GPR39: variants seen among roughly 807,000 people sequenced by gnomAD.
The protein encoded by GPR39 is zinc sensing receptor.
In GPR39, 23 loss-of-function variants were observed where a neutral mutation model predicts 18.4. The ratio of observed to expected loss-of-function variants is 1.25; its 90% CI spans 0.90 to 1.77. The LOEUF (loss-of-function observed/expected upper bound fraction) is 1.77, where lower values mean the gene tolerates loss of function less well. GPR39 is among the 40% of genes most tolerant of loss of function. The pLI, the probability that GPR39 is intolerant of heterozygous loss-of-function variation, is 0.00. For missense variants in GPR39, 647 were observed against 602.4 expected, an observed-to-expected ratio of 1.07 and a Z score of -0.78; for synonymous variants, 280 against 257.9, an observed-to-expected ratio of 1.09 and a Z score of -0.82.
At chr2:132,623,900 A>G (rs1251110305) in intron 1 of GPR39, among the ~76,000 whole-genome samples, 2 of 152,154 alleles carry the variant, frequency 1.3e-5, no homozygotes, top group African/African-American at 4.8e-5. Context: ...CTGATGCTCC[A>G]GGGTAGAGGA....
chr2:132,610,139 A>G (rs1365436788), intron 1 of GPR39, among the ~76,000 whole-genome samples: 1 of 152,160 alleles, frequency 6.6e-6, no homozygotes, highest in Non-Finnish European at 1.5e-5. Flanking sequence ...AGTTTGCTGA[A>G]TGAATAGGAA....
At chr2:132,442,447 G>T (rs1680456988) in intron 1 of GPR39, among the ~76,000 whole-genome samples, 1 of 152,114 alleles carries the variant, frequency 6.6e-6, no homozygotes, top group Non-Finnish European at 1.5e-5. Flanking sequence ...TGCTCTAAAT[G>T]TCCGCTCCCT....
chr2:132,472,479 A>G (rs1364584147), intron 1 of GPR39, among the ~76,000 whole-genome samples: 2 of 151,880 alleles, frequency 1.3e-5, no homozygotes, highest in Non-Finnish European at 2.9e-5. Context: ...CTGGGAGGCC[A>G]CTCTTGAGTG....
chr2:132,595,785 G>A (rs745730078), intron 1 of GPR39, among the ~76,000 whole-genome samples: 12 of 152,254 alleles, frequency 7.9e-5, no homozygotes, highest in South Asian at 4.1e-4. Context: ...GAGAACCAGC[G>A]CAGCAGCTCC....
chr2:132,584,231 G>T (rs1394943926), intron 1 of GPR39, among the ~76,000 whole-genome samples: 1 of 152,104 alleles, frequency 6.6e-6, no homozygotes, highest in East Asian at 1.9e-4. Context: ...GAGGCTCTGG[G>T]GGCAGAGTGC....
intron 1 of GPR39, among the ~76,000 whole-genome samples, chr2:132,440,425 G>C (rs1680415289): frequency 6.6e-6 from 1 of 152,128 alleles, no homozygotes. Flanking sequence ...TTCCCTTTTT[G>C]CTCCTTCCTA....
At chr2:132,629,469 T>A (rs1322572572) in intron 1 of GPR39, among the ~76,000 whole-genome samples, 2 of 152,246 alleles carry the variant, frequency 1.3e-5, no homozygotes, top group African/African-American at 2.4e-5. Flanking sequence ...GTAAGTGTAT[T>A]GTCTAATTTG....
intron 1 of GPR39, among the ~76,000 whole-genome samples, chr2:132,518,884 C>T (rs1020837654): frequency 4.6e-5 from 7 of 152,144 alleles, no homozygotes; most frequent in Admixed American, 2.6e-4. Context: ...ATTTATGGTA[C>T]ATCTCCAGTA....
At chr2:132,445,179 A>G (rs1680512284) in intron 1 of GPR39, among the ~76,000 whole-genome samples, 1 of 151,994 alleles carries the variant, frequency 6.6e-6, no homozygotes, top group South Asian at 2.1e-4. Context: ...AAACTACTGC[A>G]TTGTTCCAAT....
At chr2:132,562,056 A>G (rs1359235033) in intron 1 of GPR39, among the ~76,000 whole-genome samples, 2 of 152,208 alleles carry the variant, frequency 1.3e-5, no homozygotes, top group Non-Finnish European at 2.9e-5. Context: ...AAGTTAACCC[A>G]GAATATTAAC....
Position 132,646,342 on chromosome 2 carries a change from T to TCAGCCCAAATCCAAA in GPR39, c.*738_*752dup. On this transcript the variant is annotated 3_prime_UTR_variant, in exon 2 of 2. Transcript: ENST00000329321. ...ACCGGCAAAAGAATAGCTGTCCCTCTCAGCCCAAATCCAAACGGACAGCTC... is the reference window on the plus strand; with the variant it reads ...ACCGGCAAAAGAATAGCTGTCCCTCTCAGCCCAAATCCAAACAGCCCAAATCCAAACGGACAGCTC... 8.6e-7 allele frequency: 1 copy of TCAGCCCAAATCCAAA among 1,168,294 alleles called. No homozygotes were observed. 72.4% of individuals were successfully genotyped at this position (1,168,294 alleles called of 1,614,324 possible).
intron 1 of GPR39, among the ~76,000 whole-genome samples, chr2:132,512,328 G>C (rs902928037): frequency 1.3e-5 from 2 of 152,160 alleles, no homozygotes; most frequent in Non-Finnish European, 2.9e-5. Context: ...CATGGGGAAA[G>C]TTTAAGGGAT....
At chr2:132,596,798 A>G (rs1286013774) in intron 1 of GPR39, among the ~76,000 whole-genome samples, 1 of 152,244 alleles carries the variant, frequency 6.6e-6, no homozygotes, top group Non-Finnish European at 1.5e-5. Context: ...AAATTAAATC[A>G]GGATCTCTGG....
chr2:132,573,568 A>T (rs1240667930), intron 1 of GPR39, among the ~76,000 whole-genome samples: 1 of 152,178 alleles, frequency 6.6e-6, no homozygotes, highest in African/African-American at 2.4e-5. Context: ...TGAGACAGAC[A>T]TGGGAGCCAA....
At chr2:132,473,828 A>G (rs1395687451) in intron 1 of GPR39, among the ~76,000 whole-genome samples, 2 of 152,230 alleles carry the variant, frequency 1.3e-5, no homozygotes, top group Non-Finnish European at 2.9e-5. Context: ...TGTTACAGGA[A>G]TGCAGTATTG....
At chr2:132,425,552 A>G (rs2315386) in intron 1 of GPR39, among the ~76,000 whole-genome samples, 33,229 of 152,140 alleles carry the variant, frequency 0.22, 3,821 homozygotes, top group African/African-American at 0.27. Flanking sequence ...TGCCTGGTCC[A>G]TAAGGTATAC....
chr2:132,478,024 A>G (rs1681160747), intron 1 of GPR39, among the ~76,000 whole-genome samples: 1 of 152,216 alleles, frequency 6.6e-6, no homozygotes, highest in African/African-American at 2.4e-5. Context: ...TCCCCTTTAC[A>G]TGAATCATAT....
At chr2:132,502,522 T>C (rs1301736710) in intron 1 of GPR39, among the ~76,000 whole-genome samples, 1 of 152,216 alleles carries the variant, frequency 6.6e-6, no homozygotes, top group Non-Finnish European at 1.5e-5. Flanking sequence ...GTCTTGACTT[T>C]AGATAACCTG....
At chr2:132,542,366 C>T (rs1294493053) in intron 1 of GPR39, among the ~76,000 whole-genome samples, 1 of 152,220 alleles carries the variant, frequency 6.6e-6, no homozygotes, top group African/African-American at 2.4e-5. Context: ...TTCTGATCCC[C>T]ACTCTACCAG....
Sources: allele counts gnomAD v4.1 joint callset (sites outside exome capture counted in the v4.1 genomes callset), GRCh38; gene constraint gnomAD v4.1.1; transcripts MANE v1.5; gene names NCBI Gene and HGNC (gene_info 2026-07-23, HGNC 2026-07-21).